COLEC11: variants seen among roughly 807,000 people sequenced by gnomAD.
COLEC11 encodes the protein collectin subfamily member 11.
In COLEC11, 20 loss-of-function variants were observed where a neutral mutation model predicts 27.3. That is an observed-to-expected ratio of 0.73 (90% CI 0.51 to 1.06). The LOEUF (loss-of-function observed/expected upper bound fraction) is 1.06. Ranked by LOEUF, COLEC11 falls within the 50% of genes least tolerant of loss-of-function variation. The probability of loss-of-function intolerance (pLI) is 0.00; values close to 1 mark genes in which losing one functional copy is unlikely to be tolerated. For missense variants in COLEC11, 310 were observed against 383.0 expected (o/e 0.81, Z 1.59); for synonymous variants, 163 against 154.7 (o/e 1.05, Z -0.40).
intron 3 of COLEC11, among the ~76,000 whole-genome samples, chr2:3,617,965 A>C (rs1663899295): frequency 6.6e-6 from 1 of 152,202 alleles, no homozygotes; most frequent in Non-Finnish European, 1.5e-5. Context: ...ACCTTTCCAT[A>C]AACCTGTTGG....
chr2:3,640,318 T>G lies in COLEC11; in HGVS notation c.315T>G (p.Pro105=). The change falls in exon 5 of 7, where the codon CCT becomes CCG. Residue 105 remains proline, a synonymous_variant. Coordinates refer to ENST00000349077, the MANE Select transcript of COLEC11 (RefSeq NM_024027.5). ...GDSGDIGPPG[P]NGEPGLPCEC... ...CCGGTGACATAGGACCCCCTGGTCCTAATGGAGAACCAGGTATGGCATAAA... is the reference window on the plus strand; with the variant it reads ...CCGGTGACATAGGACCCCCTGGTCCGAATGGAGAACCAGGTATGGCATAAA... The G allele has an allele frequency of 6.3e-7, 1 of 1,593,606 alleles. No homozygotes were observed. The highest frequency in any genetic ancestry group is 1.1e-5 in the South Asian group (1 of 90,622).
At chr2:3,603,983 G>A (rs1662434699) in intron 1 of COLEC11, 1 of 564,724 alleles carries the variant, frequency 1.8e-6, no homozygotes, top group South Asian at 2.2e-5. Flanking sequence ...ATGCTGTGTG[G>A]AGACCCCTAC....
intron 3 of COLEC11, among the ~76,000 whole-genome samples, chr2:3,635,838 G>A (rs753246187): frequency 1.1e-4 from 16 of 152,246 alleles, no homozygotes; most frequent in Non-Finnish European, 1.6e-4. Context: ...GCAGCAGAGT[G>A]TGGCTGTTGT....
At chr2:3,599,420 T>C (rs570484893) in intron 1 of COLEC11, among the ~76,000 whole-genome samples, 39 of 152,294 alleles carry the variant, frequency 2.6e-4, no homozygotes, top group African/African-American at 9.4e-4. Context: ...ACAGGCATTC[T>C]CAGATGAGGA....
intron 3 of COLEC11, among the ~76,000 whole-genome samples, chr2:3,634,174 T>G (rs1665216998): frequency 2.6e-5 from 4 of 152,206 alleles, no homozygotes. Flanking sequence ...AGGCCGTGAC[T>G]GGGCACTCAG....
At chr2:3,596,757 T>C (rs1191217005) in intron 1 of COLEC11, among the ~76,000 whole-genome samples, 2 of 152,180 alleles carry the variant, frequency 1.3e-5, no homozygotes, top group East Asian at 1.9e-4. Context: ...TCTTGGGCCC[T>C]GGCTGGGAGA....
intron 5 of COLEC11, among the ~76,000 whole-genome samples, chr2:3,640,551 C>A (rs1361368899): frequency 2.1e-5 from 2 of 93,466 alleles, no homozygotes; most frequent in African/African-American, 1.1e-4. Context: ...TGGACACCCA[C>A]CCCCGTCACA....
chr2:3,619,914 C>T (rs183298603), intron 3 of COLEC11, among the ~76,000 whole-genome samples: 1 of 152,340 alleles, frequency 6.6e-6, no homozygotes, highest in Non-Finnish European at 1.5e-5. Context: ...GCATGAGCCA[C>T]CGCTCCCGGC....
chr2:3,641,524 A>T (rs1572480489), intron 5 of COLEC11: 1 of 918,572 alleles, frequency 1.1e-6, no homozygotes, highest in East Asian at 6.3e-5. Context: ...TGGAGGTTAA[A>T]TGAGGAAAGG....
At chr2:3,617,467 C>G in intron 3 of COLEC11, 4 of 1,346,262 alleles carry the variant, frequency 3.0e-6, no homozygotes, top group South Asian at 1.2e-5. Flanking sequence ...TTGCATCTTA[C>G]AAAGCTAAAC....
intron 2 of COLEC11, among the ~76,000 whole-genome samples, chr2:3,608,529 C>G (rs1662917688): frequency 6.6e-6 from 1 of 152,158 alleles, no homozygotes; most frequent in Admixed American, 6.5e-5. Context: ...ACACTTCAAA[C>G]CTTGCCAAAT....
intron 1 of COLEC11, among the ~76,000 whole-genome samples, chr2:3,596,324 C>T (rs1270274168): frequency 6.7e-6 from 1 of 148,738 alleles, no homozygotes; most frequent in Non-Finnish European, 1.5e-5. Context: ...GATTTTTTCT[C>T]ATTGTCTATT....
intron 3 of COLEC11, among the ~76,000 whole-genome samples, chr2:3,636,515 C>T (rs755127129): frequency 6.6e-6 from 1 of 152,170 alleles, no homozygotes; most frequent in Non-Finnish European, 1.5e-5. Context: ...TTGAATTTCC[C>T]GCATTGAATT....
intron 2 of COLEC11, chr2:3,606,289 C>T: frequency 6.7e-7 from 1 of 1,501,584 alleles, no homozygotes; most frequent in Non-Finnish European, 9.1e-7. Flanking sequence ...GCTCCAGGGT[C>T]CTTTCTGGGC....
chr2:3,604,592 G>T, intron 2 of COLEC11, 122 bp downstream of exon 2: 1 of 1,084,968 alleles, frequency 9.2e-7, no homozygotes, highest in East Asian at 2.4e-5. Context: ...TTACCCCATT[G>T]GGTCTCAGTT....
At chr2:3,618,332 T>C (rs562033658) in intron 3 of COLEC11, among the ~76,000 whole-genome samples, 5 of 152,370 alleles carry the variant, frequency 3.3e-5, no homozygotes, top group South Asian at 2.1e-4. Context: ...ATTTCAGGTA[T>C]TACATTTAAG....
At chr2:3,598,136 A>G (rs547690296) in intron 1 of COLEC11, among the ~76,000 whole-genome samples, 1 of 152,156 alleles carries the variant, frequency 6.6e-6, no homozygotes, top group East Asian at 1.9e-4. Flanking sequence ...GGGTTTCACC[A>G]TGTTGGCCAG....
intron 3 of COLEC11, among the ~76,000 whole-genome samples, chr2:3,624,432 A>G (rs1664386897): frequency 6.6e-6 from 1 of 152,160 alleles, no homozygotes; most frequent in African/African-American, 2.4e-5. Context: ...AGTCTCTCCC[A>G]ACTTCTCCTC....
chr2:3,626,299 G>A (rs1472835045), intron 3 of COLEC11, among the ~76,000 whole-genome samples: 1 of 152,244 alleles, frequency 6.6e-6, no homozygotes, highest in Non-Finnish European at 1.5e-5. Flanking sequence ...GACCACAGAC[G>A]TGGAACCAGA....
Sources: gnomAD v4.1 joint callset for allele counts (sites outside exome capture counted in the v4.1 genomes callset) on GRCh38, gnomAD v4.1.1 for gene constraint, MANE v1.5 for transcripts, NCBI Gene and HGNC (gene_info 2026-07-23, HGNC 2026-07-21) for gene names.